The following CREB5 variants were observed in gnomAD, a reference collection of about 807,000 sequenced individuals.
CREB5 encodes cyclic AMP-responsive element-binding protein 5.
Under a neutral mutation model 57.1 loss-of-function variants are expected in CREB5, and 19 were observed. That is an observed-to-expected ratio of 0.33 (90% CI 0.23 to 0.49). The LOEUF (loss-of-function observed/expected upper bound fraction) is 0.49, where lower values mean the gene tolerates loss of function less well. Among genes scored for constraint, CREB5 ranks in the 20% least tolerant of loss-of-function variants. The pLI is 0.99. For synonymous variants in CREB5, 238 were observed against 238.3 expected (o/e 1.00, Z 0.01); for missense variants, 579 against 671.6 (o/e 0.86, Z 1.52).
chr7:28,791,347 C>T (rs1264325710), intron 7 of CREB5, among the ~76,000 whole-genome samples: 1 of 152,188 alleles, frequency 6.6e-6, no homozygotes, highest in Non-Finnish European at 1.5e-5. Context: ...CGCGCATCTT[C>T]CTTCTTTCTC....
chr7:28,796,536 T>C (rs1388866380), intron 7 of CREB5, among the ~76,000 whole-genome samples: 1 of 152,232 alleles, frequency 6.6e-6, no homozygotes, highest in Non-Finnish European at 1.5e-5. Flanking sequence ...CATCTCATTA[T>C]GTACCCCCAT....
chr7:28,397,906 C>T lies in CREB5; in HGVS notation c.-24-97000C>T, dbSNP rs570337220. 7.9e-5 allele frequency among the ~76,000 whole-genome samples: 12 copies of T among 152,070 alleles called. No homozygotes were observed. The South Asian group carries it at 8.4e-4, about 11-fold the overall frequency. Reference sequence around the variant, plus strand: ...CTATGGAGCTAGTAACAGGTAGAACCGGGATTCTTTTTTTTCATCATTTTT... The same window carrying T: ...CTATGGAGCTAGTAACAGGTAGAACTGGGATTCTTTTTTTTCATCATTTTT... On this transcript the variant is annotated intron_variant, in intron 1 of 9. Transcript: ENST00000396299.
intron 5 of CREB5, among the ~76,000 whole-genome samples, chr7:28,614,038 G>A (rs1009043933): frequency 6.6e-6 from 1 of 152,068 alleles, no homozygotes; most frequent in African/African-American, 2.4e-5. Flanking sequence ...AGCTCACTGC[G>A]GTCTTTGAAC....
intron 1 of CREB5, among the ~76,000 whole-genome samples, chr7:28,403,037 A>G (rs1787505512): frequency 1.3e-5 from 2 of 152,246 alleles, no homozygotes; most frequent in East Asian, 3.8e-4. Flanking sequence ...TGAAAACTAA[A>G]TCATACTAGG....
chr7:28,717,826 T>G (rs898275484), intron 5 of CREB5, among the ~76,000 whole-genome samples: 1 of 152,254 alleles, frequency 6.6e-6, no homozygotes, highest in African/African-American at 2.4e-5. Flanking sequence ...AGGTCTTTAA[T>G]TAAATGATTT....
chr7:28,306,779 T>G (rs1785198563), intron 1 of CREB5, among the ~76,000 whole-genome samples: 1 of 151,968 alleles, frequency 6.6e-6, no homozygotes, highest in South Asian at 2.1e-4. Flanking sequence ...GCCGGGATGG[T>G]CTCGATCTCC....
At chr7:28,695,602 C>T (rs1801511424) in intron 5 of CREB5, among the ~76,000 whole-genome samples, 1 of 152,162 alleles carries the variant, frequency 6.6e-6, no homozygotes, top group South Asian at 2.1e-4. Context: ...AGTTAGTGGG[C>T]CAGAAGTTGT....
At chr7:28,432,167 G>A (rs1273310430) in intron 1 of CREB5, among the ~76,000 whole-genome samples, 4 of 152,176 alleles carry the variant, frequency 2.6e-5, no homozygotes, top group Non-Finnish European at 5.9e-5. Flanking sequence ...TTTATACGGA[G>A]TTGGAGCGTT....
chr7:28,684,958 A>G (rs1467512142), intron 5 of CREB5, among the ~76,000 whole-genome samples: 4 of 151,968 alleles, frequency 2.6e-5, no homozygotes, highest in Non-Finnish European at 2.9e-5. Context: ...CTGAGTGGGG[A>G]GGTGTGAAGT....
At chr7:28,530,497 A>AT (rs1793677513) in intron 4 of CREB5, among the ~76,000 whole-genome samples, 1 of 152,196 alleles carries the variant, frequency 6.6e-6, no homozygotes, top group East Asian at 1.9e-4. Flanking sequence ...CTGAAAAAAC[A>AT]TATGATCCCA....
chr7:28,811,119 G>T (rs537092756), intron 9 of CREB5, among the ~76,000 whole-genome samples: 1 of 152,210 alleles, frequency 6.6e-6, no homozygotes, highest in East Asian at 1.9e-4. Context: ...TTATAGTGTA[G>T]TGTCTACACT....
chr7:28,477,028 A>G (rs988515455), intron 1 of CREB5, among the ~76,000 whole-genome samples: 2 of 152,204 alleles, frequency 1.3e-5, no homozygotes, highest in Non-Finnish European at 2.9e-5. Context: ...TTCTCCTAGC[A>G]TGGGGCCTCA....
intron 5 of CREB5, among the ~76,000 whole-genome samples, chr7:28,681,251 T>C (rs531290809): frequency 6.6e-6 from 1 of 152,244 alleles, no homozygotes; most frequent in African/African-American, 2.4e-5. Context: ...TGAGCAATAA[T>C]ACAAACAGGA....
At chr7:28,672,182 A>C (rs368974217) in intron 5 of CREB5, among the ~76,000 whole-genome samples, 44,935 of 91,964 alleles carry the variant, frequency 0.49, 7,218 homozygotes, top group African/African-American at 0.55. Flanking sequence ...ATGGAAAAAA[A>C]AAAAAAACAC....
At chr7:28,458,125 T>C (rs1790195579) in intron 1 of CREB5, among the ~76,000 whole-genome samples, 2 of 151,864 alleles carry the variant, frequency 1.3e-5, no homozygotes, top group Admixed American at 6.6e-5. Context: ...AAACTGAGAG[T>C]TGGTGACAGA....
chr7:28,361,722 A>T (rs186924843), intron 1 of CREB5, among the ~76,000 whole-genome samples: 2 of 152,072 alleles, frequency 1.3e-5, no homozygotes, highest in South Asian at 4.1e-4. Flanking sequence ...CATTCAATAC[A>T]TTTCCAGAGT....
At chr7:28,712,400 C>T (rs1017974028) in intron 5 of CREB5, among the ~76,000 whole-genome samples, 20 of 150,508 alleles carry the variant, frequency 1.3e-4, no homozygotes, top group East Asian at 9.8e-4. Context: ...CCCAGCTACT[C>T]GGGAGGCTGA....
At chr7:28,637,556 T>C (rs1377664765) in intron 5 of CREB5, among the ~76,000 whole-genome samples, 2 of 152,038 alleles carry the variant, frequency 1.3e-5, no homozygotes, top group Non-Finnish European at 2.9e-5. Flanking sequence ...ATGGTTTAGA[T>C]AGATTAGGTA....
chr7:28,807,503 C>T (rs1234608543), intron 8 of CREB5, among the ~76,000 whole-genome samples: 3 of 152,156 alleles, frequency 2.0e-5, no homozygotes, highest in Non-Finnish European at 4.4e-5. Flanking sequence ...TGCAGTTCAA[C>T]CTCAACCCTG....
Sources: allele counts gnomAD v4.1 joint callset (sites outside exome capture counted in the v4.1 genomes callset), GRCh38; gene constraint gnomAD v4.1.1; transcripts MANE v1.5; gene names NCBI Gene and HGNC (gene_info 2026-07-23, HGNC 2026-07-21).